The following CSMD1 variants were observed in gnomAD, a reference collection of about 807,000 sequenced individuals.
CSMD1 encodes the protein CUB and sushi domain-containing protein 1.
In CSMD1, 213 loss-of-function variants were observed where a neutral mutation model predicts 417.5. The ratio of observed to expected loss-of-function variants is 0.51; its 90% confidence interval spans 0.46 to 0.57. The LOEUF (loss-of-function observed/expected upper bound fraction) is 0.57, where lower values mean the gene tolerates loss of function less well. CSMD1 is among the 20% of genes least tolerant of loss of function. The pLI is 0.00. For synonymous variants in CSMD1, 2,862 were observed against 1,736.8 expected (o/e 1.65, Z -16.11); for missense variants, 6,923 against 4,529.7 (o/e 1.53, Z -15.17).
intron 10 of CSMD1, among the ~76,000 whole-genome samples, chr8:3,531,253 G>A (rs1487051696): frequency 6.6e-6 from 1 of 152,018 alleles, no homozygotes; most frequent in East Asian, 1.9e-4. Flanking sequence ...CATTTCCTCT[G>A]GCTTTTATTC....
At position 4,590,398 on chromosome 8, in the gene CSMD1, A is replaced by T. The variant is rs533875190; in HGVS notation, c.302+46944T>A. Among the ~76,000 whole-genome samples the T allele has an allele frequency of 1.2e-4, 18 of 152,288 alleles. No individual in the cohort carries two copies. The East Asian group carries it at 1.4e-3, about 11-fold the overall frequency. ...ATCAACATGCGAAGATACTGAAAGG[A>T]CTTTGGGCTTATTAATTTTATGTTA... On this transcript the variant is annotated intron_variant, in intron 2 of 69. Coordinates refer to ENST00000635120, the MANE Select transcript of CSMD1 (RefSeq NM_033225.6).
intron 23 of CSMD1, among the ~76,000 whole-genome samples, chr8:3,337,253 T>G (rs117854732): frequency 0.017 from 2,548 of 152,330 alleles, 45 homozygotes; most frequent in Non-Finnish European, 0.025. Flanking sequence ...AGAAAATATT[T>G]TGATAAACAT....
At chr8:4,147,440 G>A (rs1236339010) in intron 3 of CSMD1, among the ~76,000 whole-genome samples, 2 of 151,972 alleles carry the variant, frequency 1.3e-5, no homozygotes, top group African/African-American at 4.8e-5. Context: ...CCTACCTTCT[G>A]GAAAGTCCCA....
At chr8:4,664,189 G>T (rs997246133) in intron 1 of CSMD1, among the ~76,000 whole-genome samples, 1 of 152,132 alleles carries the variant, frequency 6.6e-6, no homozygotes, top group East Asian at 1.9e-4. Flanking sequence ...AGTAGCCCAG[G>T]GAGTAGTTTT....
At chr8:3,248,398 G>A (rs1326546723) in intron 26 of CSMD1, among the ~76,000 whole-genome samples, 1 of 151,990 alleles carries the variant, frequency 6.6e-6, no homozygotes, top group Non-Finnish European at 1.5e-5. Context: ...CACCTATGAA[G>A]TCCTTTAAAA....
intron 5 of CSMD1, among the ~76,000 whole-genome samples, chr8:3,951,795 G>T (rs755535046): frequency 6.6e-6 from 1 of 152,000 alleles, no homozygotes; most frequent in African/African-American, 2.4e-5. Flanking sequence ...ACAAATTAGT[G>T]AGCTGGCAAA....
chr8:4,635,641 T>G (rs571890171), intron 2 of CSMD1, among the ~76,000 whole-genome samples: 36 of 152,280 alleles, frequency 2.4e-4, no homozygotes, highest in African/African-American at 8.4e-4. Flanking sequence ...ATTGTCTAAT[T>G]CTTTTTTCTG....
intron 50 of CSMD1, among the ~76,000 whole-genome samples, chr8:3,044,722 C>T (rs1345416913): frequency 1.3e-5 from 2 of 152,116 alleles, no homozygotes; most frequent in African/African-American, 2.4e-5. Context: ...CTTATTATAA[C>T]CTTCATTTTA....
chr8:4,269,457 T>C (rs1804433431), intron 3 of CSMD1, among the ~76,000 whole-genome samples: 1 of 152,218 alleles, frequency 6.6e-6, no homozygotes. Flanking sequence ...TAATCAAGTA[T>C]TTTTATCAGA....
At chr8:3,507,313 G>A (rs183225393) in intron 10 of CSMD1, among the ~76,000 whole-genome samples, 3 of 152,130 alleles carry the variant, frequency 2.0e-5, no homozygotes, top group Admixed American at 6.5e-5. Context: ...CTTCATCCAT[G>A]TCCCTAAAAA....
chr8:4,263,210 G>A (rs757838252), intron 3 of CSMD1, among the ~76,000 whole-genome samples: 1 of 151,118 alleles, frequency 6.6e-6, no homozygotes, highest in African/African-American at 2.4e-5. Flanking sequence ...AGTATTCGAG[G>A]GCTAAAGGCT....
At chr8:3,616,931 C>G (rs1584967040) in intron 7 of CSMD1, 134 bp from the exon 8 acceptor site, 2 of 523,908 alleles carry the variant, frequency 3.8e-6, no homozygotes, top group East Asian at 3.0e-5. Flanking sequence ...AATTAAGACA[C>G]CTTAAATACA....
At chr8:4,213,263 GGCGGGGT>G (rs1327760809) in intron 3 of CSMD1, among the ~76,000 whole-genome samples, 2 of 152,158 alleles carry the variant, frequency 1.3e-5, no homozygotes, top group African/African-American at 4.8e-5. Context: ...CAGCAAGTGA[GGCGGGGT>G]CCTGTCAGGT....
intron 5 of CSMD1, among the ~76,000 whole-genome samples, chr8:3,827,524 C>A (rs11993166): frequency 0.018 from 2,749 of 152,228 alleles, 102 homozygotes; most frequent in African/African-American, 0.063. Context: ...TAGGTTTCCC[C>A]AAGGCACTGT....
At chr8:4,811,735 C>T (rs1172444805) in intron 1 of CSMD1, among the ~76,000 whole-genome samples, 1 of 151,618 alleles carries the variant, frequency 6.6e-6, no homozygotes, top group Non-Finnish European at 1.5e-5. Context: ...TTTTTTGCTT[C>T]GTTTAAATCT....
chr8:4,182,155 G>A (rs751688243), intron 3 of CSMD1, among the ~76,000 whole-genome samples: 41 of 151,864 alleles, frequency 2.7e-4, no homozygotes, highest in Admixed American at 1.9e-3. Context: ...AAACAACATA[G>A]CACCAACAAA....
At chr8:4,404,630 A>T (rs1804883819) in intron 3 of CSMD1, among the ~76,000 whole-genome samples, 1 of 152,158 alleles carries the variant, frequency 6.6e-6, no homozygotes, top group South Asian at 2.1e-4. Context: ...CAACCTAAGT[A>T]ATGTGAATTT....
At chr8:3,991,126 G>C (rs940156) in intron 5 of CSMD1, among the ~76,000 whole-genome samples, 27,830 of 152,184 alleles carry the variant, frequency 0.18, 2,995 homozygotes, top group Non-Finnish European at 0.24. Flanking sequence ...AAAAGGTAGA[G>C]ACTGGAAATT....
intron 37 of CSMD1, among the ~76,000 whole-genome samples, chr8:3,166,486 G>C (rs767752956): frequency 6.6e-6 from 1 of 151,904 alleles, no homozygotes; most frequent in Non-Finnish European, 1.5e-5. Context: ...GTGAGCCAAG[G>C]TCACACCACT....
Sources: gnomAD v4.1 joint callset for allele counts (sites outside exome capture counted in the v4.1 genomes callset) on GRCh38, gnomAD v4.1.1 for gene constraint, MANE v1.5 for transcripts, NCBI Gene and HGNC (gene_info 2026-07-23, HGNC 2026-07-21) for gene names.